EYS: variants seen among roughly 807,000 people sequenced by gnomAD.
EYS encodes the protein protein eyes shut homolog.
A neutral mutation model predicts 282.1 loss-of-function variants in EYS; 250 were observed. The observed-to-expected ratio is 0.89, with a 90% CI of 0.80 to 0.98. The LOEUF (loss-of-function observed/expected upper bound fraction) is 0.98. EYS is among the 50% of genes least tolerant of loss of function. EYS has a pLI of 0.00. For synonymous variants in EYS, 1,355 were observed against 1,282.9 expected, an observed-to-expected ratio of 1.06 and a Z score of -1.20; for missense variants, 4,016 against 3,709.0, an observed-to-expected ratio of 1.08 and a Z score of -2.15.
chr6:65,450,396 G>A (rs9345631), intron 5 of EYS, among the ~76,000 whole-genome samples: 28,161 of 152,010 alleles, frequency 0.19, 3,253 homozygotes, highest in Middle Eastern at 0.3. Flanking sequence ...TTGTATTTAC[G>A]AGATGTTACA....
intron 22 of EYS, among the ~76,000 whole-genome samples, chr6:64,773,027 C>G (rs1773570217): frequency 6.6e-6 from 1 of 151,690 alleles, no homozygotes; most frequent in South Asian, 2.1e-4. Context: ...AGGTTTGTTA[C>G]ATGGATAATT....
At chr6:64,698,156 C>T (rs1043980904) in intron 22 of EYS, among the ~76,000 whole-genome samples, 1 of 151,866 alleles carries the variant, frequency 6.6e-6, no homozygotes, top group Admixed American at 6.6e-5. Flanking sequence ...GGAAATAAAA[C>T]GTACCAAAAC....
intron 12 of EYS, among the ~76,000 whole-genome samples, chr6:65,192,895 G>A (rs1765676486): frequency 6.6e-6 from 1 of 151,818 alleles, no homozygotes; most frequent in African/African-American, 2.4e-5. Flanking sequence ...ATCACCTTAT[G>A]TATCATTTCT....
intron 5 of EYS, among the ~76,000 whole-genome samples, chr6:65,428,692 A>G (rs955851560): frequency 6.6e-6 from 1 of 152,168 alleles, no homozygotes; most frequent in African/African-American, 2.4e-5. Context: ...CTTCAATAAA[A>G]TAATACAAAA....
At chr6:65,225,267 A>G (rs1312342098) in intron 12 of EYS, among the ~76,000 whole-genome samples, 1 of 149,894 alleles carries the variant, frequency 6.7e-6, no homozygotes, top group Non-Finnish European at 1.5e-5. Flanking sequence ...AACTAATTAT[A>G]ATGTATTGAA....
Position 63,777,996 on chromosome 6 carries a change from T to C in EYS, c.7898+10A>G, listed in dbSNP as rs1582197337. On this transcript the variant is annotated intron_variant, in intron 40 of 42. Coordinates refer to ENST00000503581, the MANE Select transcript of EYS (RefSeq NM_001142800.2). ...CCTGCTACTTTCATTCCTAATAACG[T>C]CATACTTACTAAACACTAGTTCCAC... The C allele has an allele frequency of 1.3e-6, 2 of 1,551,246 alleles. No homozygotes were observed. Among genetic ancestry groups the C allele is most frequent in the South Asian group, 1.2e-5 (1 of 84,038 alleles).
intron 30 of EYS, among the ~76,000 whole-genome samples, chr6:64,276,202 T>C (rs925654243): frequency 2.0e-5 from 3 of 152,304 alleles, no homozygotes; most frequent in South Asian, 2.1e-4. Context: ...AGATCTGTTA[T>C]TGGCTAAGTG....
chr6:64,306,248 G>A (rs1284064270), intron 30 of EYS, among the ~76,000 whole-genome samples: 2 of 152,106 alleles, frequency 1.3e-5, no homozygotes, highest in African/African-American at 4.8e-5. Context: ...GCTTGCATGA[G>A]GAGCAACCTC....
intron 41 of EYS, among the ~76,000 whole-genome samples, chr6:63,749,395 A>G (rs1450872866): frequency 1.3e-5 from 2 of 152,120 alleles, no homozygotes; most frequent in Non-Finnish European, 2.9e-5. Flanking sequence ...GGAGTATCTT[A>G]TGTCTGATTA....
intron 35 of EYS, among the ~76,000 whole-genome samples, chr6:63,951,261 G>C (rs1765579948): frequency 1.3e-5 from 2 of 151,976 alleles, no homozygotes; most frequent in African/African-American, 4.8e-5. Flanking sequence ...AATGCCACTT[G>C]ACCCCAATAT....
chr6:64,239,821 C>T (rs903886560), intron 30 of EYS, among the ~76,000 whole-genome samples: 11 of 151,906 alleles, frequency 7.2e-5, no homozygotes, highest in African/African-American at 2.4e-4. Context: ...AGTCATGAAG[C>T]CTTTGCCCAT....
intron 29 of EYS, among the ~76,000 whole-genome samples, chr6:64,354,390 A>T (rs1771752374): frequency 6.6e-6 from 1 of 151,628 alleles, no homozygotes; most frequent in African/African-American, 2.4e-5. Flanking sequence ...ATTTTTATAT[A>T]GGACATATAT....
At chr6:63,955,538 C>G (rs1036813439) in intron 35 of EYS, among the ~76,000 whole-genome samples, 1 of 152,178 alleles carries the variant, frequency 6.6e-6, no homozygotes, top group African/African-American at 2.4e-5. Context: ...CAATCTCACT[C>G]GCTCTCTTCT....
At chr6:63,787,830 T>G (rs1770405280) in intron 39 of EYS, among the ~76,000 whole-genome samples, 1 of 152,054 alleles carries the variant, frequency 6.6e-6, no homozygotes, top group South Asian at 2.1e-4. Context: ...TCCCAGCTAC[T>G]AGGGAGGCTG....
intron 31 of EYS, among the ~76,000 whole-genome samples, chr6:64,128,709 T>C (rs193289072): frequency 1.9e-4 from 29 of 152,326 alleles, no homozygotes; most frequent in Admixed American, 1.4e-3. Flanking sequence ...ATGTTCTACT[T>C]ATTTGTTTCA....
In EYS at chr6:64,042,712, T is replaced by C. The variant is rs576422083; in HGVS notation, c.6725+23626A>G. 3.9e-5 allele frequency among the ~76,000 whole-genome samples: 6 copies of C among 152,284 alleles called. No homozygotes were observed. The East Asian group carries it at 9.6e-4, about 24-fold the overall frequency. ...CGCTTTTTCTTCCAGGACTTTGTAA[T>C]TTTGTATATCTTTTTGTTCTCTGGA... is the stretch of plus-strand genomic sequence containing the variant. On this transcript the variant is annotated intron_variant, in intron 33 of 42. Transcript: ENST00000503581.
intron 36 of EYS, among the ~76,000 whole-genome samples, chr6:63,812,951 G>A (rs1335742762): frequency 6.6e-6 from 1 of 151,966 alleles, no homozygotes; most frequent in East Asian, 1.9e-4. Context: ...CAAGGCATAG[G>A]GACCCCTAAC....
intron 26 of EYS, among the ~76,000 whole-genome samples, chr6:64,526,467 A>T (rs59447757): frequency 0.052 from 7,830 of 151,748 alleles, 675 homozygotes; most frequent in African/African-American, 0.18. Flanking sequence ...TTATTCATTT[A>T]AAAAAATTAT....
At chr6:64,496,612 T>C (rs138125874) in intron 26 of EYS, among the ~76,000 whole-genome samples, 271 of 152,142 alleles carry the variant, frequency 1.8e-3, no homozygotes, top group African/African-American at 6.3e-3. Context: ...CACTTTGCCA[T>C]CCATTACATA....
Sources: allele counts gnomAD v4.1 joint callset (sites outside exome capture counted in the v4.1 genomes callset), GRCh38; gene constraint gnomAD v4.1.1; transcripts MANE v1.5; gene names NCBI Gene and HGNC (gene_info 2026-07-23, HGNC 2026-07-21).